PBX1: variants seen among roughly 807,000 people sequenced by gnomAD.
PBX1 encodes the protein PBX homeobox 1.
Under a neutral mutation model 53.4 loss-of-function variants are expected in PBX1, and 6 were observed. The ratio of observed to expected loss-of-function variants is 0.11; its 90% confidence interval spans 0.06 to 0.22. The LOEUF (loss-of-function observed/expected upper bound fraction) is 0.22, where lower values mean the gene tolerates loss of function less well. Ranked by LOEUF, PBX1 falls within the 10% of genes least tolerant of loss-of-function variation. The pLI is 1.00. For missense variants in PBX1, 251 were observed against 551.4 expected (o/e 0.46, Z 5.46); for synonymous variants, 204 against 212.3 (o/e 0.96, Z 0.34).
intron 2 of PBX1, among the ~76,000 whole-genome samples, chr1:164,638,972 G>GT (rs1307509421): frequency 6.6e-6 from 1 of 152,150 alleles, no homozygotes; most frequent in African/African-American, 2.4e-5. Flanking sequence ...CTGCCTGCCC[G>GT]TTTTTTCTCT....
intron 2 of PBX1, among the ~76,000 whole-genome samples, chr1:164,767,671 G>T (rs61802572): frequency 1.3e-5 from 2 of 152,080 alleles, no homozygotes; most frequent in East Asian, 1.9e-4. Flanking sequence ...AAAAAAAAAG[G>T]CTTTCTGTAC....
chr1:164,571,748 C>G (rs867554684), intron 2 of PBX1, among the ~76,000 whole-genome samples: 11 of 150,914 alleles, frequency 7.3e-5, no homozygotes, highest in Admixed American at 3.3e-4. Context: ...GAGTTGCTGG[C>G]TCGTGATAAC....
chr1:164,776,627 G>T (rs560592405), intron 2 of PBX1, among the ~76,000 whole-genome samples: 9 of 152,236 alleles, frequency 5.9e-5, no homozygotes, highest in African/African-American at 1.9e-4. Context: ...GATGAATTGT[G>T]CCCCAAGGGG....
chr1:164,686,916 C>A (rs1230220861), intron 2 of PBX1, among the ~76,000 whole-genome samples: 3 of 150,954 alleles, frequency 2.0e-5, no homozygotes, highest in Non-Finnish European at 4.4e-5. Flanking sequence ...GAGATCGTGC[C>A]ACTGCACTCC....
intron 2 of PBX1, among the ~76,000 whole-genome samples, chr1:164,577,753 G>A (rs1415139827): frequency 6.6e-6 from 1 of 152,054 alleles, no homozygotes; most frequent in Non-Finnish European, 1.5e-5. Flanking sequence ...TCATTACTTC[G>A]AAAATCTATA....
At chr1:164,609,524 C>T (rs1656771478) in intron 2 of PBX1, among the ~76,000 whole-genome samples, 2 of 152,164 alleles carry the variant, frequency 1.3e-5, no homozygotes, top group South Asian at 4.1e-4. Context: ...TAAATGTCCT[C>T]CATCCCCTCA....
chr1:164,697,737 A>C (rs1418195578), intron 2 of PBX1, among the ~76,000 whole-genome samples: 1 of 152,246 alleles, frequency 6.6e-6, no homozygotes, highest in Non-Finnish European at 1.5e-5. Flanking sequence ...TACGAATAGC[A>C]GTAATGAAAT....
chr1:164,662,734 A>G (rs942824627), intron 2 of PBX1, among the ~76,000 whole-genome samples: 2 of 152,108 alleles, frequency 1.3e-5, no homozygotes, highest in African/African-American at 4.8e-5. Flanking sequence ...GTAATTGCCT[A>G]GAGTTTGGTA....
chr1:164,696,865 T>G (rs1662826826), intron 2 of PBX1, among the ~76,000 whole-genome samples: 1 of 152,160 alleles, frequency 6.6e-6, no homozygotes, highest in Admixed American at 6.5e-5. Flanking sequence ...CTCTTTCTGG[T>G]AGGAGGTCAG....
intron 2 of PBX1, among the ~76,000 whole-genome samples, chr1:164,751,948 AATATGACCT>A (rs1666253190): frequency 6.6e-6 from 1 of 152,160 alleles, no homozygotes; most frequent in African/African-American, 2.4e-5. Context: ...AATATTGATA[AATATGACCT>A]ATATAAACAG....
chr1:164,825,436 A>G (rs1213731552), intron 8 of PBX1, among the ~76,000 whole-genome samples: 1 of 152,212 alleles, frequency 6.6e-6, no homozygotes, highest in Non-Finnish European at 1.5e-5. Context: ...ATGTTCGTTG[A>G]ATGAATAAAT....
intron 8 of PBX1, among the ~76,000 whole-genome samples, chr1:164,835,047 G>A (rs763414008): frequency 2.6e-5 from 4 of 152,114 alleles, no homozygotes; most frequent in Non-Finnish European, 5.9e-5. Context: ...TGTTTTTTAT[G>A]TGGGTGTAAG....
At chr1:164,638,920 G>A (rs1479738328) in intron 2 of PBX1, among the ~76,000 whole-genome samples, 1 of 152,220 alleles carries the variant, frequency 6.6e-6, no homozygotes, top group Non-Finnish European at 1.5e-5. Flanking sequence ...AAGAAAAAGG[G>A]AGTGTGCAGA....
rs1660810973 is a variant in PBX1, at chr1:164,666,400, T to G, written c.265+103089T>G. 3.3e-5 allele frequency among the ~76,000 whole-genome samples: 5 copies of G among 152,358 alleles called. 1 individual carries two copies. The South Asian group carries it at 1.0e-3, about 32-fold the overall frequency. On this transcript the variant is annotated intron_variant, in intron 2 of 8. Transcript: ENST00000420696. Reference sequence around the variant, plus strand: ...TTTGTATATAAATATGCCTAAGGTTTCAAAGATCCAGTGATGTATTTAGCT... The same window carrying G: ...TTTGTATATAAATATGCCTAAGGTTGCAAAGATCCAGTGATGTATTTAGCT...
At chr1:164,603,928 C>CTTTTTT (rs1557885817) in intron 2 of PBX1, among the ~76,000 whole-genome samples, 54 of 48,722 alleles carry the variant, frequency 1.1e-3, no homozygotes, top group East Asian at 2.9e-3. Context: ...TATGTCATTT[C>CTTTTTT]ATTTTTTTTT....
At chr1:164,603,913 TA>T (rs1557885693) in intron 2 of PBX1, among the ~76,000 whole-genome samples, 2 of 149,356 alleles carry the variant, frequency 1.3e-5, no homozygotes. Flanking sequence ...AGACACTCTG[TA>T]CATTATGTCA....
chr1:164,604,894 TAAAC>T (rs1157600450), intron 2 of PBX1, among the ~76,000 whole-genome samples: 2 of 152,030 alleles, frequency 1.3e-5, no homozygotes, highest in African/African-American at 4.8e-5. Flanking sequence ...CCCAAGTAAA[TAAAC>T]AAATAAAAGT....
chr1:164,856,630 C>G (rs1671982367), downstream of PBX1, among the ~76,000 whole-genome samples: 1 of 152,174 alleles, frequency 6.6e-6, no homozygotes, highest in African/African-American at 2.4e-5. Context: ...CTCCCAGGAG[C>G]CCTCCCTTAG....
At chr1:164,570,648 A>C (rs1653780217) in intron 2 of PBX1, among the ~76,000 whole-genome samples, 1 of 152,176 alleles carries the variant, frequency 6.6e-6, no homozygotes. Context: ...TGCTATTGTG[A>C]ATAGTGCTGC....
Sources: gnomAD v4.1 joint callset for allele counts (sites outside exome capture counted in the v4.1 genomes callset) on GRCh38, gnomAD v4.1.1 for gene constraint, MANE v1.5 for transcripts, NCBI Gene and HGNC (gene_info 2026-07-23, HGNC 2026-07-21) for gene names.